OTOF: variants seen among roughly 807,000 people sequenced by gnomAD.
OTOF encodes fer-1-like family member 2.
In OTOF, 218 loss-of-function variants were observed where a neutral mutation model predicts 236.8. The ratio of observed to expected loss-of-function variants is 0.92; its 90% CI spans 0.82 to 1.03. The LOEUF is 1.03. Ranked by LOEUF, OTOF falls within the 50% of genes least tolerant of loss-of-function variation. OTOF has a pLI of 0.00. For missense variants in OTOF, 2,590 were observed against 2,694.4 expected (o/e 0.96, Z 0.86); for synonymous variants, 1,041 against 1,072.5 (o/e 0.97, Z 0.57).
At chr2:26,525,490 G>A (rs1469346386) in intron 3 of OTOF, among the ~76,000 whole-genome samples, 1 of 152,184 alleles carries the variant, frequency 6.6e-6, no homozygotes, top group Non-Finnish European at 1.5e-5. Context: ...CTGCCTCTAG[G>A]TACACACCTT....
At position 26,473,796 on chromosome 2, in the gene OTOF, A is replaced by G. The variant is rs1665116161; in HGVS notation, c.3408+195T>C. On this transcript the variant is annotated intron_variant, in intron 27 of 46. Coordinates refer to ENST00000272371, the MANE Select transcript of OTOF (RefSeq NM_194248.3). This position sits in a 1 kb window ranked among gnomAD's most constrained non-coding sequence, Gnocchi z 7.2. ...GGGGTGCAGGGTCAGGGGTGCAGAC[A>G]GGAGGGCTGGGCATGGTCCTGGGAC... Among the ~76,000 whole-genome samples, 1 of 152,060 alleles carries G rather than the reference A, an allele frequency of 6.6e-6. No homozygotes were observed.
chr2:26,502,519 T>A, intron 6 of OTOF, 93 bp from the exon 7 acceptor site: 1 of 1,359,304 alleles, frequency 7.4e-7, no homozygotes. Context: ...AGCTGAGAGT[T>A]AAATTCGAGG....
intron 1 of OTOF, among the ~76,000 whole-genome samples, chr2:26,547,798 G>A (rs1456245624): frequency 2.0e-5 from 3 of 152,056 alleles, no homozygotes; most frequent in Non-Finnish European, 2.9e-5. Flanking sequence ...CTGAGATCGC[G>A]CCACTGCACT....
At chr2:26,543,715 T>C (rs13028219) in intron 1 of OTOF, among the ~76,000 whole-genome samples, 9,209 of 152,326 alleles carry the variant, frequency 0.06, 372 homozygotes, top group Non-Finnish European at 0.096. Flanking sequence ...CATTCTATTT[T>C]GTTTTGAATT....
rs545413317 is a variant in OTOF, at chr2:26,484,005, G to A, written c.1206-357C>T. Among the ~76,000 whole-genome samples, 46 of 152,196 alleles carry A rather than the reference G, an allele frequency of 3.0e-4. 1 individual carries two copies. The highest frequency in any genetic ancestry group is 7.7e-4 in the East Asian group (4 of 5,182). ...AGTTTTGTGCCGTATCTTTTGTTTC[G>A]TAGACAAAAACTTCACAGTAGCCAC... On this transcript the variant is annotated intron_variant, in intron 12 of 46. Transcript: ENST00000272371.
chr2:26,472,267 AC>A (rs1026967441), intron 30 of OTOF: 3 of 543,888 alleles, frequency 5.5e-6, no homozygotes, highest in Non-Finnish European at 6.8e-6. Context: ...ATGCACACAC[AC>A]ATGCACATAT....
At chr2:26,550,767 C>T (rs940730852) in intron 1 of OTOF, among the ~76,000 whole-genome samples, 1 of 152,186 alleles carries the variant, frequency 6.6e-6, no homozygotes, top group Non-Finnish European at 1.5e-5. Flanking sequence ...GGGCTTCCTC[C>T]CCAGTGTCCC....
At chr2:26,464,549 C>T (rs1326625872) in intron 39 of OTOF, among the ~76,000 whole-genome samples, 4 of 152,130 alleles carry the variant, frequency 2.6e-5, no homozygotes, top group Non-Finnish European at 4.4e-5. Context: ...CTCTAAAGAG[C>T]CACATGACCT....
chr2:26,520,771 A>T (rs1314193972), intron 3 of OTOF, among the ~76,000 whole-genome samples: 1 of 152,236 alleles, frequency 6.6e-6, no homozygotes, highest in Non-Finnish European at 1.5e-5. Context: ...CTTCCGTACC[A>T]TGTAGACATT....
chr2:26,466,572 G>A, intron 36 of OTOF, 142 bp downstream of exon 36: 1 of 953,142 alleles, frequency 1.0e-6, no homozygotes, highest in Non-Finnish European at 1.7e-6. Flanking sequence ...CCTGACCTCA[G>A]GTGATCCTCC....
At chr2:26,463,915 C>T in intron 40 of OTOF, 49 bp downstream of exon 40, 1 of 1,608,740 alleles carries the variant, frequency 6.2e-7, no homozygotes, top group Non-Finnish European at 8.5e-7. Flanking sequence ...GTTGGGGATC[C>T]CTGGTCCCCA....
At position 26,477,266 on chromosome 2, in the gene OTOF, C is replaced by G. The variant is rs532907714; in HGVS notation, c.2429G>C (p.Arg810Thr). ...RELENMGQQA[R>T]MLRAQVKRHT... is the part of the protein sequence containing the mutation. ...CCGCTTCACCTGGGCCCGCAGCATC[C>G]TGGCCTGCTGCCCCATGTTTTCCTG... The change falls in exon 21 of 47, where the codon AGG (arginine) becomes ACG (threonine). Residue 810 changes from arginine to threonine, a missense_variant. Arg to Thr is a moderately conservative substitution (Grantham distance 71, BLOSUM62 -1). Around this residue, in one of 2 missense-constraint regions of OTOF, gnomAD observed 1,379 missense variants for 1,341.6 expected, o/e 1.03. Transcript: ENST00000272371. The surrounding 1 kb of genome is among the most constrained non-coding windows in gnomAD (Gnocchi z 4.7). The G allele has an allele frequency of 1.2e-6, 2 of 1,609,246 alleles. No homozygotes were observed. Among genetic ancestry groups the G allele is most frequent in the Admixed American group, 1.7e-5 (1 of 59,710 alleles).
chr2:26,489,597 C>T, intron 10 of OTOF, 81 bp downstream of exon 10: 1 of 1,206,754 alleles, frequency 8.3e-7, no homozygotes, highest in Non-Finnish European at 1.2e-6. Context: ...TGGGTCTAGA[C>T]AGAGGGGGCC....
At chr2:26,555,121 T>C (rs1667555149) in intron 1 of OTOF, among the ~76,000 whole-genome samples, 1 of 152,188 alleles carries the variant, frequency 6.6e-6, no homozygotes, top group Non-Finnish European at 1.5e-5. Context: ...TAGGGAACTA[T>C]CTCAGGAGTT....
Position 26,475,367 on chromosome 2 carries a change from C to T in OTOF, c.3118G>A (p.Asp1040Asn). The T allele has an allele frequency of 6.2e-7, 1 of 1,613,030 alleles. No individual in the cohort carries two copies. The highest frequency in any genetic ancestry group is 8.5e-7 in the Non-Finnish European group (1 of 1,179,980). The stretch of plus-strand genomic sequence containing the variant: ...CCAGAGCCCACCCATACCATGGAAT[C>T]CTGGTCATAGATTTCAATGACAATG... ...PIIVIEIYDQ[D>N]SMGKADFMGR... Residue 1040 changes from aspartate to asparagine, a missense_variant, in exon 25 of 47, where the codon GAT (aspartate) becomes AAT (asparagine). Physicochemically the swap from Asp to Asn is conservative, Grantham distance 23. Transcript: ENST00000272371.
At chr2:26,482,016 G>T (rs1665552569) in intron 14 of OTOF, among the ~76,000 whole-genome samples, 1 of 152,124 alleles carries the variant, frequency 6.6e-6, no homozygotes, top group Non-Finnish European at 1.5e-5. Context: ...CGATTCTGCA[G>T]ATAGGCACTA....
chr2:26,480,598 T>C (rs1419543061), intron 15 of OTOF, among the ~76,000 whole-genome samples, 188 bp downstream of exon 15: 1 of 152,082 alleles, frequency 6.6e-6, no homozygotes, highest in African/African-American at 2.4e-5. Flanking sequence ...AGGCAGGCAG[T>C]GGACGAGGGC....
intron 8 of OTOF, among the ~76,000 whole-genome samples, chr2:26,500,079 C>T (rs1666080197): frequency 6.6e-6 from 1 of 152,094 alleles, no homozygotes; most frequent in Admixed American, 6.6e-5. Flanking sequence ...ACCAGGGACC[C>T]GAAGGGAGCA....
Position 26,477,471 on chromosome 2 carries a change from T to C in OTOF, c.2351A>G (p.His784Arg), listed in dbSNP as rs764390787. 1 of 1,603,470 alleles carries C rather than the reference T, an allele frequency of 6.2e-7. No individual in the cohort carries two copies. Among genetic ancestry groups the C allele is most frequent in the Admixed American group, 1.7e-5 (1 of 58,784 alleles). The change falls in exon 20 of 47, where the codon CAC (histidine) becomes CGC (arginine). Residue 784 changes from histidine (H) to arginine (R), a missense_variant. His to Arg is a conservative substitution (Grantham distance 29, BLOSUM62 0). Transcript: ENST00000272371. This position sits in a 1 kb window ranked among gnomAD's most constrained non-coding sequence, Gnocchi z 4.7. Reference protein sequence around the residue: ...FLSLADKDQGHSSRTRLDRER... With the variant: ...FLSLADKDQGRSSRTRLDRER... ...CCGGTCAAGCCTGGTGCGGGATGAG[T>C]GGCCCTGGTCCTTGTCAGCGAGGGA... is the stretch of plus-strand genomic sequence containing the variant.
Sources: gnomAD v4.1 joint callset for allele counts (sites outside exome capture counted in the v4.1 genomes callset) on GRCh38, gnomAD v4.1.1 for gene constraint, gnomAD v4.1.1 regional missense constraint, Gnocchi (gnomAD v3.1) non-coding constraint, MANE v1.5 for transcripts, NCBI Gene and HGNC (gene_info 2026-07-23, HGNC 2026-07-21) for gene names.